Variants in CCDC73 observed in about 807,000 individuals in gnomAD.
CCDC73 encodes the protein coiled-coil domain-containing protein 73.
A neutral mutation model predicts 116.5 loss-of-function variants in CCDC73; 95 were observed. That is an observed-to-expected ratio of 0.82 (90% CI 0.69 to 0.97). The LOEUF (loss-of-function observed/expected upper bound fraction) is 0.97, where lower values mean the gene tolerates loss of function less well. CCDC73 is among the 50% of genes least tolerant of loss of function. The probability of loss-of-function intolerance (pLI) is 0.00; values close to 1 mark genes in which losing one functional copy is unlikely to be tolerated. For missense variants in CCDC73, 1,066 were observed against 1,206.8 expected, an observed-to-expected ratio of 0.88 and a Z score of 1.73; for synonymous variants, 398 against 401.3, an observed-to-expected ratio of 0.99 and a Z score of 0.10.
intron 1 of CCDC73, among the ~76,000 whole-genome samples, chr11:32,761,392 A>T (rs535585069): frequency 6.6e-6 from 1 of 152,322 alleles, no homozygotes; most frequent in African/African-American, 2.4e-5. Context: ...AGGTGCTATA[A>T]ACATTTATGT....
chr11:32,708,847 C>A (rs1590606473), intron 3 of CCDC73, among the ~76,000 whole-genome samples: 1 of 152,134 alleles, frequency 6.6e-6, no homozygotes, highest in Admixed American at 6.5e-5. Flanking sequence ...TATGATCATA[C>A]TATCCACAAA....
intron 1 of CCDC73, among the ~76,000 whole-genome samples, chr11:32,792,355 TGTAA>T (rs1208709057): frequency 6.6e-6 from 1 of 152,198 alleles, no homozygotes; most frequent in Non-Finnish European, 1.5e-5. Flanking sequence ...TTGACTCATG[TGTAA>T]GTATTTACTC....
At chr11:32,673,313 G>A (rs984601918) in intron 9 of CCDC73, among the ~76,000 whole-genome samples, 1 of 152,086 alleles carries the variant, frequency 6.6e-6, no homozygotes, top group Non-Finnish European at 1.5e-5. Context: ...CATGTGTGAG[G>A]ACAGGAAGTA....
the CCDC73 span, among the ~76,000 whole-genome samples, chr11:32,819,803 A>G: frequency 5.3e-5 from 8 of 152,170 alleles, no homozygotes; most frequent in Non-Finnish European, 1.2e-4. Context: ...GTTTATGTCC[A>G]TTATTTGAAA....
At chr11:32,766,080 C>T (rs1193979494) in intron 1 of CCDC73, among the ~76,000 whole-genome samples, 1 of 152,158 alleles carries the variant, frequency 6.6e-6, no homozygotes, top group African/African-American at 2.4e-5. Context: ...CAAACCGAAT[C>T]CAGCAGCACA....
chr11:32,774,621 A>C (rs1404100794), intron 1 of CCDC73, among the ~76,000 whole-genome samples: 2 of 152,312 alleles, frequency 1.3e-5, no homozygotes, highest in Admixed American at 1.3e-4. Flanking sequence ...TAAGAAAAGG[A>C]ATTTGGAGAA....
intron 9 of CCDC73, among the ~76,000 whole-genome samples, chr11:32,664,798 G>C (rs1369705272): frequency 1.3e-5 from 2 of 152,080 alleles, no homozygotes; most frequent in East Asian, 3.8e-4. Context: ...GGCATTTACT[G>C]CTATAAATTT....
intron 2 of CCDC73, among the ~76,000 whole-genome samples, chr11:32,734,868 T>C (rs1011902065): frequency 6.6e-6 from 1 of 152,048 alleles, no homozygotes; most frequent in African/African-American, 2.4e-5. Context: ...GTTCAACATA[T>C]ACAAATCATT....
intron 15 of CCDC73, 59 bp from the exon 16 acceptor site, chr11:32,615,001 G>T: frequency 1.0e-6 from 1 of 981,846 alleles, no homozygotes; most frequent in Non-Finnish European, 1.5e-6. Context: ...GATTTCATAA[G>T]ACATATTTAT....
rs185024163 is a variant in CCDC73 at position 32,673,058 on chromosome 11, C to T, written c.645+2507G>A. ...TGCTATCCAAAATATATAAAGAACT[C>T]TTAAAACTCAACAATAAGAAAACAA... is the stretch of plus-strand genomic sequence containing the variant. On this transcript the variant is annotated intron_variant, in intron 9 of 17. Transcript: ENST00000335185. 2.0e-5 allele frequency among the ~76,000 whole-genome samples: 3 copies of T among 152,274 alleles called. No individual in the cohort carries two copies. The East Asian group carries it at 5.8e-4, about 29-fold the overall frequency.
At chr11:32,795,834 C>A (rs551334531), upstream of CCDC73, among the ~76,000 whole-genome samples, 3 of 151,952 alleles carry the variant, frequency 2.0e-5, no homozygotes, top group Non-Finnish European at 4.4e-5. Flanking sequence ...GGATTACAGG[C>A]GCCTGCCACC....
intron 2 of CCDC73, among the ~76,000 whole-genome samples, chr11:32,749,106 GTTA>G (rs1394190602): frequency 6.6e-6 from 1 of 152,068 alleles, no homozygotes; most frequent in African/African-American, 2.4e-5. Flanking sequence ...GAAGTTCTCT[GTTA>G]TTATCCCATT....
chr11:32,654,705 T>TA (rs921935125), intron 10 of CCDC73, 139 bp downstream of exon 10: 236 of 669,144 alleles, frequency 3.5e-4, no homozygotes, highest in Non-Finnish European at 5.2e-4. Flanking sequence ...CAAAAATTAA[T>TA]AAAAAAACAG....
intron 14 of CCDC73, among the ~76,000 whole-genome samples, chr11:32,623,880 A>T (rs1468384084): frequency 6.6e-6 from 1 of 152,210 alleles, no homozygotes; most frequent in Non-Finnish European, 1.5e-5. Flanking sequence ...CAAAAGGAAT[A>T]TAACTGATAA....
intron 9 of CCDC73, among the ~76,000 whole-genome samples, chr11:32,660,255 A>AG (rs1005080094): frequency 7.1e-6 from 1 of 140,808 alleles, no homozygotes. Context: ...AAAAAAAAAA[A>AG]CAGGTTGGAT....
chr11:32,760,987 G>C (rs1850386965), intron 1 of CCDC73, among the ~76,000 whole-genome samples: 1 of 152,088 alleles, frequency 6.6e-6, no homozygotes, highest in South Asian at 2.1e-4. Context: ...GCATGTGTCT[G>C]TGTGTATATA....
chr11:32,660,229 C>CAAAA lies in CCDC73; in HGVS notation c.646-5261_646-5258dup, dbSNP rs11310092. ...GTCTCTTTGGGTCAGTTCTCTCTAC[C>CAAAA]AAAAAAAAAAAAAAAAAAAAAAAAA... On this transcript the variant is annotated intron_variant, in intron 9 of 17. Coordinates refer to ENST00000335185, the MANE Select transcript of CCDC73 (RefSeq NM_001008391.4). Among the ~76,000 whole-genome samples, 405 of 66,506 alleles carry CAAAA rather than the reference C, an allele frequency of 6.1e-3. 45 individuals carry two copies. Among genetic ancestry groups the CAAAA allele is most frequent in the African/African-American group, 0.022 (375 of 17,060 alleles). 43.6% of individuals were successfully genotyped at this position (66,506 alleles called of 152,430 possible).
chr11:32,622,344 A>G (rs1263779248), intron 14 of CCDC73, among the ~76,000 whole-genome samples: 3 of 152,178 alleles, frequency 2.0e-5, no homozygotes, highest in Non-Finnish European at 4.4e-5. Context: ...AAGGAATGAG[A>G]TCATGTCCTT....
intron 2 of CCDC73, among the ~76,000 whole-genome samples, chr11:32,733,634 T>C (rs1430307553): frequency 6.6e-5 from 10 of 152,264 alleles, no homozygotes; most frequent in African/African-American, 2.2e-4. Flanking sequence ...ACTGCTCAAC[T>C]ACATGGAAAC....
Sources: gnomAD v4.1 joint callset for allele counts (sites outside exome capture counted in the v4.1 genomes callset) on GRCh38, gnomAD v4.1.1 for gene constraint, MANE v1.5 for transcripts, NCBI Gene and HGNC (gene_info 2026-07-23, HGNC 2026-07-21) for gene names.